CLEC6A: variants seen among roughly 807,000 people sequenced by gnomAD.
The protein encoded by CLEC6A is C-type lectin domain containing 6A.
A neutral mutation model predicts 25.7 loss-of-function variants in CLEC6A; 22 were observed. The ratio of observed to expected loss-of-function variants is 0.85; its 90% confidence interval spans 0.61 to 1.22. The LOEUF is 1.22. Ranked by LOEUF, CLEC6A falls within the 50% of genes most tolerant of loss-of-function variation. The pLI is 0.00. For synonymous variants in CLEC6A, 92 were observed against 76.7 expected (o/e 1.20, Z -1.04); for missense variants, 240 against 236.8 (o/e 1.01, Z -0.09).
At chr12:8,462,496 A>C (rs1223683441) in intron 3 of CLEC6A, among the ~76,000 whole-genome samples, 3 of 142,106 alleles carry the variant, frequency 2.1e-5, no homozygotes, top group African/African-American at 7.7e-5. Context: ...ATCTACTGAG[A>C]TAGGGGAAAA....
chr12:8,477,332 A>C lies in CLEC6A; in HGVS notation c.498A>C (p.Leu166=). Residue 166 remains leucine (L), a synonymous_variant, in exon 6 of 6, where the codon CTA becomes CTC. Transcript: ENST00000382073. The stretch of plus-strand genomic sequence containing the variant: ...TGTTTTCCTTTAGATTTTGGCACCT[A>C]GGTGAGCCCAATCATTCTGCAGAGC... The part of the protein sequence containing the change: ...PYEKNVRFWH[L]GEPNHSAEQC... 2 of 1,609,242 alleles carry C rather than the reference A, an allele frequency of 1.2e-6. No individual in the cohort carries two copies. The highest frequency in any genetic ancestry group is 4.5e-5 in the East Asian group (2 of 44,696).
At chr12:8,470,547 G>T (rs1015614364) in intron 4 of CLEC6A, among the ~76,000 whole-genome samples, 3 of 151,870 alleles carry the variant, frequency 2.0e-5, no homozygotes, top group Admixed American at 2.0e-4. Flanking sequence ...CCTGTCATTT[G>T]TCTATAATAC....
chr12:8,460,763 G>A (rs746294844), intron 3 of CLEC6A: 17 of 1,423,350 alleles, frequency 1.2e-5, no homozygotes, highest in South Asian at 6.9e-5. Context: ...GATAAAGCGG[G>A]CCGACTGGGC....
At chr12:8,467,147 C>G (rs1002621456) in intron 4 of CLEC6A, among the ~76,000 whole-genome samples, 2 of 152,052 alleles carry the variant, frequency 1.3e-5, no homozygotes, top group African/African-American at 4.8e-5. Flanking sequence ...CTTAGGCTGT[C>G]TTTTCCTTAG....
rs143916658 is a variant in CLEC6A at position 8,460,474 on chromosome 12, G to C, written c.223+776G>C. 9.5e-4 allele frequency: 561 copies of C among 591,006 alleles called. 5 individuals are homozygous for C. The East Asian group carries it at 0.013, about 14-fold the overall frequency. 36.6% of individuals were successfully genotyped at this position (591,006 alleles called of 1,614,324 possible). A position where few individuals can be genotyped will look rare whatever the true frequency, so the allele number is the denominator to read the frequency against. ...CCCAAGATTCAATTATCTCCCACAG[G>C]GTCCCTCTCACAGCACGTGGGAATT... On this transcript the variant is annotated intron_variant, in intron 3 of 5. Transcript: ENST00000382073.
Position 8,477,349 on chromosome 12 carries a change from C to T in CLEC6A, c.515C>T (p.Ser172Phe), listed in dbSNP as rs780920394. Residue 172 changes from serine to phenylalanine, a missense_variant, in exon 6 of 6, where the codon TCT (serine) becomes TTT (phenylalanine). Physicochemically the swap from Ser to Phe is radical, Grantham distance 155. Coordinates refer to ENST00000382073, the MANE Select transcript of CLEC6A (RefSeq NM_001007033.2). ...TGGCACCTAGGTGAGCCCAATCATT[C>T]TGCAGAGCAATGTGCTTCAATAGTC... ...RFWHLGEPNH[S>F]AEQCASIVFW... 1.2e-6 allele frequency: 2 copies of T among 1,611,620 alleles called. No individual in the cohort carries two copies. Among genetic ancestry groups the T allele is most frequent in the Non-Finnish European group, 1.7e-6 (2 of 1,178,526 alleles).
chr12:8,463,751 A>G (rs1939793530), intron 3 of CLEC6A, among the ~76,000 whole-genome samples: 1 of 152,192 alleles, frequency 6.6e-6, no homozygotes, highest in Non-Finnish European at 1.5e-5. Flanking sequence ...GGCTTATCAA[A>G]TGATTATGAT....
At chr12:8,456,771 G>A (rs1939681279) in intron 1 of CLEC6A, among the ~76,000 whole-genome samples, 1 of 152,060 alleles carries the variant, frequency 6.6e-6, no homozygotes, top group Non-Finnish European at 1.5e-5. Context: ...CTTTGTGTTT[G>A]GAACATTCCA....
chr12:8,460,707 C>A, intron 3 of CLEC6A: 3 of 1,485,200 alleles, frequency 2.0e-6, no homozygotes, highest in Non-Finnish European at 2.8e-6. Flanking sequence ...GCTGGCAGTA[C>A]CGCCAGCTCT....
At chr12:8,460,891 C>A (rs767387325) in intron 3 of CLEC6A, 5 of 871,532 alleles carry the variant, frequency 5.7e-6, no homozygotes, top group Non-Finnish European at 9.8e-6. Context: ...TGTTAACCAG[C>A]CAAAGTTTGC....
rs558396103 is a variant in CLEC6A, at chr12:8,456,582, T to G, written c.31+440T>G. ...TAATGCATGAAAATTTGACTTTAGC[T>G]TCAACCCTTTGCATGTCCATCAATA... is the stretch of plus-strand genomic sequence containing the variant. On this transcript the variant is annotated intron_variant, in intron 1 of 5. Transcript: ENST00000382073. Among the ~76,000 whole-genome samples, 19 of 152,324 alleles carry G rather than the reference T, an allele frequency of 1.2e-4. No individual in the cohort carries two copies. In the Middle Eastern group the frequency reaches 0.014, roughly 109 times the overall value.
intron 4 of CLEC6A, among the ~76,000 whole-genome samples, chr12:8,466,967 G>A (rs1042695525): frequency 2.6e-5 from 4 of 152,082 alleles, no homozygotes; most frequent in Admixed American, 1.3e-4. Context: ...CTTTTAAAAC[G>A]TACTGTTGAC....
At chr12:8,457,472 C>A (rs1041098654) in intron 1 of CLEC6A, among the ~76,000 whole-genome samples, 4 of 152,188 alleles carry the variant, frequency 2.6e-5, no homozygotes, top group African/African-American at 4.8e-5. Flanking sequence ...ATCCATTCAT[C>A]TGTTGATGGA....
chr12:8,476,264 T>C (rs1297250375), intron 5 of CLEC6A, 24 bp downstream of exon 5: 2 of 1,353,000 alleles, frequency 1.5e-6, no homozygotes, highest in East Asian at 4.6e-5. Context: ...TGGGGCCTTG[T>C]TTACATAGAA....
chr12:8,471,047 G>C (rs1203016343), intron 4 of CLEC6A, among the ~76,000 whole-genome samples: 1 of 152,030 alleles, frequency 6.6e-6, no homozygotes, highest in Non-Finnish European at 1.5e-5. Context: ...CACCAATTGA[G>C]GTAATCAGGT....
At chr12:8,476,517 C>T (rs1939976265) in intron 5 of CLEC6A, among the ~76,000 whole-genome samples, 1 of 152,004 alleles carries the variant, frequency 6.6e-6, no homozygotes, top group Admixed American at 6.6e-5. Context: ...AGAGATGGTG[C>T]TCTAAACTAT....
intron 4 of CLEC6A, among the ~76,000 whole-genome samples, chr12:8,469,406 T>C (rs1334579525): frequency 6.6e-6 from 1 of 151,610 alleles, no homozygotes; most frequent in African/African-American, 2.4e-5. Context: ...AGTACCACCA[T>C]CATTCCTCTC....
Position 8,457,917 on chromosome 12 carries a change from C to T in CLEC6A, c.51C>T (p.Ser17=). Residue 17 remains serine, a synonymous_variant, in exon 2 of 6, where the codon TCC becomes TCT. Coordinates refer to ENST00000382073, the MANE Select transcript of CLEC6A (RefSeq NM_001007033.2). ...PQSTEKRGWL[S]LRLWSVAGIS... ...GGACAGAGAAAAGAGGCTGGTTGTC[C>T]CTGAGACTCTGGTCTGTGGCTGGGA... The T allele has an allele frequency of 6.2e-7, 1 of 1,613,864 alleles. No individual in the cohort carries two copies. Among genetic ancestry groups the T allele is most frequent in the Non-Finnish European group, 8.5e-7 (1 of 1,179,820 alleles).
chr12:8,460,844 C>T lies in CLEC6A; in HGVS notation c.223+1146C>T. 1.1e-5 allele frequency: 11 copies of T among 958,254 alleles called. No homozygotes were observed. In the South Asian group the frequency reaches 1.4e-4, roughly 12 times the overall value. The allele number at this position is 958,254 out of a possible 1,614,324, so 59.4% of individuals were successfully genotyped here. A position where few individuals can be genotyped will look rare whatever the true frequency, so the allele number is the denominator to read the frequency against. On this transcript the variant is annotated intron_variant, in intron 3 of 5. Transcript: ENST00000382073. ...CCTGGTGGCCAAAAACGCCCAGTTC[C>T]TAAGGGTACAACTTACCGCAAGCCT... is the stretch of plus-strand genomic sequence containing the variant.
Sources: gnomAD v4.1 joint callset for allele counts (sites outside exome capture counted in the v4.1 genomes callset) on GRCh38, gnomAD v4.1.1 for gene constraint, MANE v1.5 for transcripts, NCBI Gene and HGNC (gene_info 2026-07-23, HGNC 2026-07-21) for gene names.